ADAMTS19: variants seen among roughly 807,000 people sequenced by gnomAD.
ADAMTS19 encodes the protein A disintegrin and metalloproteinase with thrombospondin motifs 19.
A neutral mutation model predicts 153.3 loss-of-function variants in ADAMTS19; 93 were observed. The observed-to-expected ratio is 0.61, with a 90% confidence interval of 0.51 to 0.72. The LOEUF (loss-of-function observed/expected upper bound fraction) is 0.72, where lower values mean the gene tolerates loss of function less well. ADAMTS19 is among the 30% of genes least tolerant of loss of function. The probability of loss-of-function intolerance (pLI) is 0.00; values close to 1 mark genes in which losing one functional copy is unlikely to be tolerated. For synonymous variants in ADAMTS19, 600 were observed against 556.6 expected, an observed-to-expected ratio of 1.08 and a Z score of -1.10; for missense variants, 1,482 against 1,552.1, an observed-to-expected ratio of 0.95 and a Z score of 0.76.
At chr5:129,603,027 C>T in intron 8 of ADAMTS19, among the ~76,000 whole-genome samples, 1 of 151,876 alleles carries the variant, frequency 6.6e-6, no homozygotes, top group Non-Finnish European at 1.5e-5. Context: ...CACTGCTTCC[C>T]TCATTGAAAG....
intron 2 of ADAMTS19, among the ~76,000 whole-genome samples, chr5:129,489,793 C>G (rs961460290): frequency 1.3e-5 from 2 of 152,052 alleles, no homozygotes; most frequent in African/African-American, 4.8e-5. Context: ...GCTATGTAAC[C>G]TTAAGCAATT....
At chr5:129,580,176 G>T (rs1011428391) in intron 7 of ADAMTS19, among the ~76,000 whole-genome samples, 3 of 152,074 alleles carry the variant, frequency 2.0e-5, no homozygotes, top group Non-Finnish European at 4.4e-5. Flanking sequence ...GTATTCCTAG[G>T]TATTTTATTA....
At chr5:129,729,523 A>G (rs1178093940) in intron 21 of ADAMTS19, among the ~76,000 whole-genome samples, 2 of 151,966 alleles carry the variant, frequency 1.3e-5, no homozygotes, top group South Asian at 4.1e-4. Context: ...TATTTATTTT[A>G]ATAATAAAGC....
chr5:129,542,614 A>G (rs1405705791), intron 6 of ADAMTS19, among the ~76,000 whole-genome samples: 1 of 152,124 alleles, frequency 6.6e-6, no homozygotes, highest in Non-Finnish European at 1.5e-5. Flanking sequence ...TTACCATGGG[A>G]AAAGTTTAGG....
chr5:129,506,106 A>G (rs1751261223), intron 2 of ADAMTS19, among the ~76,000 whole-genome samples: 1 of 152,162 alleles, frequency 6.6e-6, no homozygotes, highest in Non-Finnish European at 1.5e-5. Context: ...TTGCAGATAA[A>G]ACAATTTATT....
intron 21 of ADAMTS19, among the ~76,000 whole-genome samples, chr5:129,733,578 A>G (rs1757539101): frequency 6.6e-6 from 1 of 152,116 alleles, no homozygotes; most frequent in African/African-American, 2.4e-5. Context: ...TAATCGTCCA[A>G]GAAATGCAAA....
At chr5:129,706,876 T>TA (rs987186749) in intron 21 of ADAMTS19, among the ~76,000 whole-genome samples, 1 of 152,082 alleles carries the variant, frequency 6.6e-6, no homozygotes, top group Non-Finnish European at 1.5e-5. Flanking sequence ...TATGCTAAAC[T>TA]AAAAAAAATT....
At chr5:129,680,214 C>T (rs1047822551) in intron 17 of ADAMTS19, among the ~76,000 whole-genome samples, 1 of 152,044 alleles carries the variant, frequency 6.6e-6, no homozygotes, top group Non-Finnish European at 1.5e-5. Context: ...CATTTACTAA[C>T]TGAAGAGGAT....
chr5:129,522,185 G>GAA (rs1355509307), intron 3 of ADAMTS19, among the ~76,000 whole-genome samples: 7 of 143,416 alleles, frequency 4.9e-5, no homozygotes, highest in African/African-American at 5.1e-5. Context: ...AGGTGATGTT[G>GAA]AAAAAAAATA....
chr5:129,613,122 G>A (rs577969472), intron 8 of ADAMTS19, among the ~76,000 whole-genome samples: 1 of 152,248 alleles, frequency 6.6e-6, no homozygotes, highest in African/African-American at 2.4e-5. Context: ...ACATTAGACA[G>A]ATCAACGAGA....
chr5:129,519,669 G>T (rs1751730550), intron 3 of ADAMTS19, among the ~76,000 whole-genome samples: 1 of 151,410 alleles, frequency 6.6e-6, no homozygotes, highest in Non-Finnish European at 1.5e-5. Context: ...AAAGAGACAG[G>T]AAGCGGAAAG....
At chr5:129,595,931 G>A (rs1750353213) in intron 7 of ADAMTS19, among the ~76,000 whole-genome samples, 1 of 151,704 alleles carries the variant, frequency 6.6e-6, no homozygotes, top group Non-Finnish European at 1.5e-5. Flanking sequence ...TATACCAAAA[G>A]ATCAAATATC....
chr5:129,689,426 A>C (rs1365697267), intron 18 of ADAMTS19, among the ~76,000 whole-genome samples: 1 of 152,046 alleles, frequency 6.6e-6, no homozygotes, highest in Non-Finnish European at 1.5e-5. Context: ...TTCTGTTTTT[A>C]CTTTTTTTTC....
intron 7 of ADAMTS19, among the ~76,000 whole-genome samples, chr5:129,579,532 G>C (rs989485500): frequency 6.6e-6 from 1 of 152,130 alleles, no homozygotes. Context: ...GTCCTGAATG[G>C]TATTACCTAG....
At chr5:129,681,217 T>G (rs907440144) in intron 17 of ADAMTS19, among the ~76,000 whole-genome samples, 1 of 152,208 alleles carries the variant, frequency 6.6e-6, no homozygotes, top group Non-Finnish European at 1.5e-5. Context: ...GGGTTCTTAC[T>G]AAAATGCATA....
intron 7 of ADAMTS19, among the ~76,000 whole-genome samples, chr5:129,575,411 G>A (rs746937015): frequency 6.6e-6 from 1 of 152,020 alleles, no homozygotes; most frequent in South Asian, 2.1e-4. Flanking sequence ...TGTGCAATCA[G>A]AACACTTTTA....
chr5:129,676,377 A>T (rs149018188), intron 16 of ADAMTS19, among the ~76,000 whole-genome samples: 1 of 152,126 alleles, frequency 6.6e-6, no homozygotes. Context: ...TATTTCTTAT[A>T]TGTAGCCTTT....
At chr5:129,643,367 C>CAAAAAAAAAAAAAAAAAA (rs556007087) in intron 11 of ADAMTS19, among the ~76,000 whole-genome samples, 1 of 40,316 alleles carries the variant, frequency 2.5e-5, no homozygotes, top group Non-Finnish European at 5.1e-5. Context: ...GTTTCAAAGA[C>CAAAAAAAAAAAAAAAAAA]AAAAAAAAAA....
intron 3 of ADAMTS19, among the ~76,000 whole-genome samples, chr5:129,511,562 A>G (rs909849352): frequency 1.3e-5 from 2 of 151,692 alleles, no homozygotes; most frequent in Non-Finnish European, 2.9e-5. Flanking sequence ...ATATTATTTT[A>G]ACAAACTGGT....
Sources: allele counts gnomAD v4.1 joint callset (sites outside exome capture counted in the v4.1 genomes callset), GRCh38; gene constraint gnomAD v4.1.1; transcripts MANE v1.5; gene names NCBI Gene and HGNC (gene_info 2026-07-23, HGNC 2026-07-21).